PDZRN3: variants seen among roughly 807,000 people sequenced by gnomAD.
PDZRN3 encodes the protein PDZ domain containing ring finger 3, also known as E3 ubiquitin-protein ligase PDZRN3.
PDZRN3 carries 38 observed loss-of-function variants against 85.7 expected under a neutral mutation model. That is an observed-to-expected ratio of 0.44 (90% CI 0.34 to 0.58). The LOEUF (loss-of-function observed/expected upper bound fraction) is 0.58. Among genes scored for constraint, PDZRN3 ranks in the 20% least tolerant of loss-of-function variants. The pLI, the probability that PDZRN3 is intolerant of heterozygous loss-of-function variation, is 0.01. For missense variants in PDZRN3, 1,629 were observed against 1,506.4 expected (o/e 1.08, Z -1.35); for synonymous variants, 759 against 638.0 (o/e 1.19, Z -2.86).
chr3:73,388,086 G>C lies in PDZRN3; in HGVS notation c.1417-17C>G. On this transcript the variant is annotated splice_polypyrimidine_tract_variant and intron_variant, in intron 7 of 9. Transcript: ENST00000263666. ...CCCATTAATCTTTTAAAAAAAAAGG[G>C]GGGGTGGGGAGAGTGGGGAGACAAA... 1.7e-6 allele frequency: 2 copies of C among 1,173,748 alleles called. No individual in the cohort carries two copies. Among genetic ancestry groups the C allele is most frequent in the Middle Eastern group, 2.0e-4 (1 of 4,950 alleles). The allele number at this position is 1,173,748 out of a possible 1,614,324, so 72.7% of individuals were successfully genotyped here. A position where few individuals can be genotyped will look rare whatever the true frequency, so the allele number is the denominator to read the frequency against.
intron 1 of PDZRN3, among the ~76,000 whole-genome samples, chr3:73,618,039 T>C (rs1488447575): frequency 6.6e-6 from 1 of 152,084 alleles, no homozygotes; most frequent in Non-Finnish European, 1.5e-5. Context: ...CTGTTTTGTT[T>C]TGTACTCCAT....
chr3:73,517,113 C>A (rs150685272), intron 3 of PDZRN3, among the ~76,000 whole-genome samples: 7 of 152,182 alleles, frequency 4.6e-5, no homozygotes, highest in African/African-American at 1.4e-4. Context: ...TGTGTGTGTG[C>A]GTTTACCCTA....
At chr3:73,402,135 G>A (rs1453658256) in intron 4 of PDZRN3, among the ~76,000 whole-genome samples, 1 of 152,220 alleles carries the variant, frequency 6.6e-6, no homozygotes, top group Non-Finnish European at 1.5e-5. Flanking sequence ...AGAACCTGAA[G>A]AGGCCTGACC....
intron 3 of PDZRN3, among the ~76,000 whole-genome samples, chr3:73,537,893 T>C (rs1287646012): frequency 6.6e-6 from 1 of 152,080 alleles, no homozygotes; most frequent in Non-Finnish European, 1.5e-5. Context: ...TCTGAAGTGC[T>C]GGGATTACAG....
intron 2 of PDZRN3, among the ~76,000 whole-genome samples, chr3:73,603,261 C>A (rs1446145572): frequency 6.6e-6 from 1 of 152,208 alleles, no homozygotes; most frequent in Non-Finnish European, 1.5e-5. Flanking sequence ...AAATTCTGAT[C>A]TCTGACCTCC....
At chr3:73,507,296 G>A (rs956186768) in intron 3 of PDZRN3, among the ~76,000 whole-genome samples, 1 of 152,170 alleles carries the variant, frequency 6.6e-6, no homozygotes, top group Non-Finnish European at 1.5e-5. Context: ...AGCCTCCCGA[G>A]TAGCTGGGAT....
intron 3 of PDZRN3, among the ~76,000 whole-genome samples, chr3:73,573,764 T>C (rs1702076096): frequency 1.3e-5 from 2 of 152,102 alleles, no homozygotes; most frequent in South Asian, 2.1e-4. Context: ...CACACACAAA[T>C]ACATACACAC....
rs1702278917 is a variant in PDZRN3 at position 73,424,811 on chromosome 3, A to C, written c.919-20416T>G. 4.6e-5 allele frequency among the ~76,000 whole-genome samples: 7 copies of C among 152,182 alleles called. No individual in the cohort carries two copies. The South Asian group carries it at 1.5e-3, about 32-fold the overall frequency. Reference sequence around the variant, plus strand: ...CTTAACTTCATAGTCAGGGTGAAGCAAATTTAAGCCACAGTGAGATACCGC... The same window carrying C: ...CTTAACTTCATAGTCAGGGTGAAGCCAATTTAAGCCACAGTGAGATACCGC... On this transcript the variant is annotated intron_variant, in intron 3 of 9. Transcript: ENST00000263666.
intron 2 of PDZRN3, among the ~76,000 whole-genome samples, chr3:73,603,653 T>C (rs1038875998): frequency 1.3e-5 from 2 of 152,272 alleles, no homozygotes; most frequent in South Asian, 4.1e-4. Context: ...TACAAATACA[T>C]AAAAATTCCA....
chr3:73,388,530 C>T (rs957277151), intron 7 of PDZRN3, among the ~76,000 whole-genome samples: 4 of 152,090 alleles, frequency 2.6e-5, no homozygotes, highest in Non-Finnish European at 5.9e-5. Flanking sequence ...GACACTTAAA[C>T]TTCTTTGGGC....
intron 9 of PDZRN3, 135 bp from the exon 10 acceptor site, chr3:73,385,065 G>C: frequency 1.0e-6 from 1 of 997,232 alleles, no homozygotes; most frequent in Non-Finnish European, 1.5e-6. Context: ...TCTGACAGTA[G>C]GACCACGTCA....
chr3:73,454,400 G>A (rs547658288), intron 3 of PDZRN3, among the ~76,000 whole-genome samples: 1 of 152,206 alleles, frequency 6.6e-6, no homozygotes, highest in South Asian at 2.1e-4. Flanking sequence ...TCCTGAGCAG[G>A]GTGAGGCCCT....
intron 2 of PDZRN3, among the ~76,000 whole-genome samples, chr3:73,608,047 T>A (rs1249861570): frequency 6.6e-6 from 1 of 152,188 alleles, no homozygotes; most frequent in Non-Finnish European, 1.5e-5. Context: ...TTCCCCATAA[T>A]TAAACTGGCA....
chr3:73,405,121 T>C (rs1701827274), intron 3 of PDZRN3, among the ~76,000 whole-genome samples: 1 of 152,222 alleles, frequency 6.6e-6, no homozygotes, highest in Admixed American at 6.5e-5. Flanking sequence ...CCTGTGAAGT[T>C]GGCAGGACTG....
chr3:73,407,536 T>C (rs1169832584), intron 3 of PDZRN3, among the ~76,000 whole-genome samples: 1 of 152,194 alleles, frequency 6.6e-6, no homozygotes, highest in Admixed American at 6.5e-5. Flanking sequence ...ATAGATATAT[T>C]GTAAAATTAG....
At chr3:73,591,442 C>T (rs1252829193) in intron 3 of PDZRN3, among the ~76,000 whole-genome samples, 1 of 152,118 alleles carries the variant, frequency 6.6e-6, no homozygotes, top group African/African-American at 2.4e-5. Flanking sequence ...AGTGGCAGCT[C>T]TTAATGCAGA....
At chr3:73,453,674 C>G (rs1702921125) in intron 3 of PDZRN3, among the ~76,000 whole-genome samples, 1 of 151,912 alleles carries the variant, frequency 6.6e-6, no homozygotes, top group Non-Finnish European at 1.5e-5. Context: ...TATTGTAATG[C>G]AAAACACAGT....
At chr3:73,521,961 C>A (rs2106731247) in intron 3 of PDZRN3, among the ~76,000 whole-genome samples, 1 of 152,256 alleles carries the variant, frequency 6.6e-6, no homozygotes, top group African/African-American at 2.4e-5. Flanking sequence ...AGCCTGTGAG[C>A]CAAATCTGGC....
At chr3:73,493,202 G>T (rs1703805906) in intron 3 of PDZRN3, among the ~76,000 whole-genome samples, 1 of 151,954 alleles carries the variant, frequency 6.6e-6, no homozygotes, top group Admixed American at 6.5e-5. Flanking sequence ...CAATGGCCTG[G>T]GTGACACCCA....
Sources: gnomAD v4.1 joint callset for allele counts (sites outside exome capture counted in the v4.1 genomes callset) on GRCh38, gnomAD v4.1.1 for gene constraint, MANE v1.5 for transcripts, NCBI Gene and HGNC (gene_info 2026-07-23, HGNC 2026-07-21) for gene names.